KIF19: variants seen among roughly 807,000 people sequenced by gnomAD.
KIF19 encodes the protein kinesin family member 19.
A neutral mutation model predicts 106.6 loss-of-function variants in KIF19; 98 were observed. The ratio of observed to expected loss-of-function variants is 0.92; its 90% CI spans 0.78 to 1.09. The LOEUF is 1.09. KIF19 is among the 50% of genes least tolerant of loss of function. The pLI, the probability that KIF19 is intolerant of heterozygous loss-of-function variation, is 0.00. For missense variants in KIF19, 1,373 were observed against 1,414.3 expected (o/e 0.97, Z 0.47); for synonymous variants, 516 against 584.2 (o/e 0.88, Z 1.68).
At chr17:74,347,944 G>A (rs747262417) in intron 9 of KIF19, 45 bp downstream of exon 9, 4 of 1,550,312 alleles carry the variant, frequency 2.6e-6, no homozygotes, top group East Asian at 2.4e-5. Flanking sequence ...TTCCTGGGCT[G>A]AGATTCAAGC....
At chr17:74,332,734 G>A (rs1249484931) in intron 2 of KIF19, among the ~76,000 whole-genome samples, 2 of 152,182 alleles carry the variant, frequency 1.3e-5, no homozygotes, top group African/African-American at 2.4e-5. Context: ...GCCGGACAGC[G>A]TGACTCCTGG....
Position 74,347,904 on chromosome 17 carries a change from G to A in KIF19, c.1047+5G>A, listed in dbSNP as rs1490672982. The A allele has an allele frequency of 1.3e-6, 2 of 1,576,878 alleles. No homozygotes were observed. Among genetic ancestry groups the A allele is most frequent in the Non-Finnish European group, 1.7e-6 (2 of 1,162,226 alleles). On this transcript the variant is annotated splice_donor_5th_base_variant and intron_variant, in intron 9 of 19. Coordinates refer to ENST00000389916, the MANE Select transcript of KIF19 (RefSeq NM_153209.4). ...GCCAAGAACATTAAGACTAGGGTGAGGGCCCCTGGACCGTCCACCAGGACA... is the reference window on the plus strand; with the variant it reads ...GCCAAGAACATTAAGACTAGGGTGAAGGCCCCTGGACCGTCCACCAGGACA...
intron 2 of KIF19, among the ~76,000 whole-genome samples, chr17:74,339,832 G>T (rs2054314942): frequency 6.6e-6 from 1 of 152,200 alleles, no homozygotes; most frequent in Non-Finnish European, 1.5e-5. Context: ...TGGTGCATGA[G>T]GACAGGGACT....
At chr17:74,333,152 G>A (rs1429486320) in intron 2 of KIF19, among the ~76,000 whole-genome samples, 1 of 152,176 alleles carries the variant, frequency 6.6e-6, no homozygotes, top group African/African-American at 2.4e-5. Context: ...CCGACCATCT[G>A]GACGCTTCTT....
intron 2 of KIF19, among the ~76,000 whole-genome samples, chr17:74,338,852 C>A (rs1317988542): frequency 6.6e-6 from 1 of 151,890 alleles, no homozygotes; most frequent in African/African-American, 2.4e-5. Flanking sequence ...GCTCACAGCT[C>A]TGCTGCCTGC....
intron 17 of KIF19, 97 bp downstream of exon 17, chr17:74,353,678 A>AG: frequency 6.4e-6 from 6 of 935,760 alleles, no homozygotes; most frequent in Non-Finnish European, 1.0e-5. Context: ...CTGCACTGCC[A>AG]AGTGCAACCA....
At chr17:74,353,143 C>T (rs2054766821) in intron 15 of KIF19, 53 bp from the exon 16 acceptor site, 2 of 1,488,768 alleles carry the variant, frequency 1.3e-6, no homozygotes, top group South Asian at 2.4e-5. Context: ...GGGGGTGGGA[C>T]CTCGGTGAGA....
At chr17:74,327,232 A>C (rs1342974491) in intron 1 of KIF19, among the ~76,000 whole-genome samples, 4 of 152,148 alleles carry the variant, frequency 2.6e-5, no homozygotes, top group Admixed American at 2.6e-4. Flanking sequence ...CTACCTCTCA[A>C]GGGTGGGCTT....
At chr17:74,335,495 C>G (rs2054196200) in intron 2 of KIF19, among the ~76,000 whole-genome samples, 1 of 152,256 alleles carries the variant, frequency 6.6e-6, no homozygotes, top group Non-Finnish European at 1.5e-5. Flanking sequence ...TCTCCCTGGC[C>G]TGAGGCCCCC....
chr17:74,349,162 G>T lies in KIF19; in HGVS notation c.1048-22G>T, dbSNP rs759283226. The T allele has an allele frequency of 1.9e-6, 3 of 1,613,376 alleles. No homozygotes were observed. In the East Asian group the frequency reaches 6.7e-5, roughly 36 times the overall value. ...CACCTGGGGTGACTGCATCCCCTCCGCTCCATACGTGTTCCCTGCAGGTGA... is the reference window on the plus strand; with the variant it reads ...CACCTGGGGTGACTGCATCCCCTCCTCTCCATACGTGTTCCCTGCAGGTGA... On this transcript the variant is annotated intron_variant, in intron 9 of 19. Transcript: ENST00000389916.
rs1465523812 is a variant in KIF19 at position 74,346,245 on chromosome 17, CAGG to C, written c.778-128_778-126del. 2.0e-6 allele frequency: 2 copies of C among 995,610 alleles called. No individual in the cohort carries two copies. The highest frequency in any genetic ancestry group is 2.7e-5 in the Admixed American group (1 of 36,896). 61.7% of individuals were successfully genotyped at this position (995,610 alleles called of 1,614,324 possible). On this transcript the variant is annotated intron_variant, in intron 7 of 19. Coordinates refer to ENST00000389916, the MANE Select transcript of KIF19 (RefSeq NM_153209.4). This position sits in a 1 kb window ranked among gnomAD's most constrained non-coding sequence, Gnocchi z 4.6. ...TCTCCAATGCCCTCAGTGGCCTTGG[CAGG>C]AGGACGGCCACAAGGTCCTTGGGGG...
intron 5 of KIF19, 121 bp downstream of exon 5, chr17:74,343,281 T>C: frequency 1.0e-6 from 1 of 1,001,142 alleles, no homozygotes; most frequent in Non-Finnish European, 1.5e-6. Flanking sequence ...AGCTCCACTT[T>C]ACAAACATCG....
chr17:74,342,025 TC>T (rs11285065), intron 3 of KIF19, 39 bp downstream of exon 3: 1,472,232 of 1,472,244 alleles, frequency 1, 736,110 homozygotes, highest in Middle Eastern at 1. Flanking sequence ...CAGGAGCCCC[TC>T]CCCCACCCTT....
At chr17:74,339,462 C>A (rs2144234172) in intron 2 of KIF19, among the ~76,000 whole-genome samples, 1 of 151,148 alleles carries the variant, frequency 6.6e-6, no homozygotes, top group East Asian at 1.9e-4. Context: ...ACCTTCCCTC[C>A]CACTGAAAGA....
Position 74,344,280 on chromosome 17 carries a change from C to G in KIF19, c.514C>G (p.Arg172Gly). The part of the protein sequence containing the change: ...LNPSLGYLEL[R>G]EDSKGVIQVA... Reference sequence around the variant, plus strand: ...CCCCTCCCTGGGCTACCTGGAGCTGCGGGAGGACTCTAAGGGGGTGATCCA... The same window carrying G: ...CCCCTCCCTGGGCTACCTGGAGCTGGGGGAGGACTCTAAGGGGGTGATCCA... The change falls in exon 6 of 20, where the codon CGG (arginine) becomes GGG (glycine). Residue 172 changes from arginine to glycine, a missense_variant. By Grantham distance (125) the Arg-to-Gly change is moderately radical. Transcript: ENST00000389916. The G allele has an allele frequency of 1.9e-6, 3 of 1,612,988 alleles. No individual in the cohort carries two copies. Among genetic ancestry groups the G allele is most frequent in the Non-Finnish European group, 1.7e-6 (2 of 1,179,748 alleles).
chr17:74,353,336 C>T (rs2144301589), intron 16 of KIF19, 35 bp downstream of exon 16: 1 of 1,523,434 alleles, frequency 6.6e-7, no homozygotes, highest in Admixed American at 2.0e-5. Context: ...CCACGAGCTC[C>T]ACTGCAGCGG....
Position 74,331,396 on chromosome 17 carries a change from C to T in KIF19, c.120+2891C>T, listed in dbSNP as rs950611744. Among the ~76,000 whole-genome samples the T allele has an allele frequency of 3.3e-5, 5 of 152,146 alleles. No homozygotes were observed. Among genetic ancestry groups the T allele is most frequent in the African/African-American group, 1.2e-4 (5 of 41,426 alleles). ...GGACACAGTAACCCGCTGGGCTGGGCCACCGTGAGGGGTCCTGGGGCAGCT... is the reference window on the plus strand; with the variant it reads ...GGACACAGTAACCCGCTGGGCTGGGTCACCGTGAGGGGTCCTGGGGCAGCT... On this transcript the variant is annotated intron_variant, in intron 2 of 19. Transcript: ENST00000389916. The surrounding 1 kb of genome is among the most constrained non-coding windows in gnomAD (Gnocchi z 4.1).
chr17:74,342,924 GC>G, intron 4 of KIF19, 99 bp from the exon 5 acceptor site: 1 of 1,408,450 alleles, frequency 7.1e-7, no homozygotes, highest in Non-Finnish European at 9.5e-7. Flanking sequence ...CTCTGAGAGG[GC>G]CCAGCCTTGA....
chr17:74,332,178 C>CAG, intron 2 of KIF19, among the ~76,000 whole-genome samples: 1 of 88,318 alleles, frequency 1.1e-5, no homozygotes, highest in African/African-American at 3.8e-5. Context: ...ATGAACACCT[C>CAG]AGTGTGTGTG....
Sources: gnomAD v4.1 joint callset for allele counts (sites outside exome capture counted in the v4.1 genomes callset) on GRCh38, gnomAD v4.1.1 for gene constraint, Gnocchi (gnomAD v3.1) non-coding constraint, MANE v1.5 for transcripts, NCBI Gene and HGNC (gene_info 2026-07-23, HGNC 2026-07-21) for gene names.